ING3: variants seen among roughly 807,000 people sequenced by gnomAD.
ING3 encodes inhibitor of growth protein 3.
A neutral mutation model predicts 64.8 loss-of-function variants in ING3; 6 were observed. The ratio of observed to expected loss-of-function variants is 0.09; its 90% CI spans 0.05 to 0.18. The LOEUF (loss-of-function observed/expected upper bound fraction) is 0.18, where lower values mean the gene tolerates loss of function less well. ING3 is among the 10% of genes least tolerant of loss of function. The probability of loss-of-function intolerance (pLI) is 1.00; values close to 1 mark genes in which losing one functional copy is unlikely to be tolerated. For missense variants in ING3, 310 were observed against 489.7 expected (o/e 0.63, Z 3.46); for synonymous variants, 170 against 173.7 (o/e 0.98, Z 0.17).
At chr7:120,954,724 A>G (rs940046728) in intron 3 of ING3, among the ~76,000 whole-genome samples, 2 of 152,176 alleles carry the variant, frequency 1.3e-5, no homozygotes, top group Non-Finnish European at 2.9e-5. Flanking sequence ...GGAAATTCAT[A>G]GTATCATCTT....
At chr7:120,966,461 A>C (rs1584993071) in intron 5 of ING3, among the ~76,000 whole-genome samples, 165 bp from the exon 6 acceptor site, 1 of 152,224 alleles carries the variant, frequency 6.6e-6, no homozygotes, top group Non-Finnish European at 1.5e-5. Context: ...TGGGATGGAC[A>C]GTGGTGATCC....
chr7:120,971,475 A>G (rs150251292), intron 10 of ING3, among the ~76,000 whole-genome samples: 249 of 152,320 alleles, frequency 1.6e-3, no homozygotes, highest in African/African-American at 5.8e-3. Context: ...TGATTTTGAG[A>G]CATAAGCTTG....
chr7:120,973,187 T>C lies in ING3; in HGVS notation c.1102-18T>C, dbSNP rs777395865. On this transcript the variant is annotated intron_variant, in intron 10 of 11. Coordinates refer to ENST00000315870, the MANE Select transcript of ING3 (RefSeq NM_019071.3). ...TGTTACATAGTCATAATAAAGACAT[T>C]TAATTTTTTTTAACTAGGTATCTTA... 1 of 1,416,418 alleles carries C rather than the reference T, an allele frequency of 7.1e-7. No homozygotes were observed. The highest frequency in any genetic ancestry group is 1.2e-5 in the South Asian group (1 of 86,084). 87.7% of individuals were successfully genotyped at this position (1,416,418 alleles called of 1,614,324 possible). A position where few individuals can be genotyped will look rare whatever the true frequency, so the allele number is the denominator to read the frequency against.
intron 4 of ING3, among the ~76,000 whole-genome samples, chr7:120,960,939 T>C (rs968181891): frequency 6.6e-6 from 1 of 152,244 alleles, no homozygotes; most frequent in African/African-American, 2.4e-5. Context: ...TTTGAGCTTT[T>C]AGTTAATGCT....
chr7:120,959,078 G>A (rs752497915), intron 4 of ING3, among the ~76,000 whole-genome samples: 17 of 152,134 alleles, frequency 1.1e-4, no homozygotes, highest in Non-Finnish European at 2.1e-4. Flanking sequence ...CCATGTGACT[G>A]CCTGCTCTAG....
chr7:120,976,899 T>C lies in ING3; in HGVS notation c.*2055T>C, dbSNP rs150264947. 6.6e-6 allele frequency: 1 copy of C among 152,248 alleles called. No individual in the cohort carries two copies. Among genetic ancestry groups the C allele is most frequent in the African/African-American group, 2.4e-5 (1 of 41,540 alleles). The allele number at this position is 152,248 out of a possible 1,614,324, so 9.4% of individuals were successfully genotyped here. A position where few individuals can be genotyped will look rare whatever the true frequency, so the allele number is the denominator to read the frequency against. On this transcript the variant is annotated 3_prime_UTR_variant, in exon 12 of 12. Coordinates refer to ENST00000315870, the MANE Select transcript of ING3 (RefSeq NM_019071.3). ...TTTGGTGCAGGTATTTAGTAATGGGTAGAACCTGTTAATATCTGAGTCATA... is the reference window on the plus strand; with the variant it reads ...TTTGGTGCAGGTATTTAGTAATGGGCAGAACCTGTTAATATCTGAGTCATA...
intron 4 of ING3, among the ~76,000 whole-genome samples, chr7:120,958,429 A>G (rs1460390635): frequency 6.6e-6 from 1 of 152,190 alleles, no homozygotes; most frequent in Non-Finnish European, 1.5e-5. Flanking sequence ...TGTTGCAATC[A>G]TCTTATACTA....
rs1299439466 is a variant in ING3, at chr7:120,975,661, G to T, written c.*817G>T. 6.6e-6 allele frequency: 1 copy of T among 152,018 alleles called. No individual in the cohort carries two copies. Among genetic ancestry groups the T allele is most frequent in the Non-Finnish European group, 1.5e-5 (1 of 67,980 alleles). 9.4% of individuals were successfully genotyped at this position (152,018 alleles called of 1,614,324 possible). ...AAATAAAGTTTTTAAAAAATTACTT[G>T]TATTTATACTTTACATACTTAATAA... On this transcript the variant is annotated 3_prime_UTR_variant, in exon 12 of 12. Transcript: ENST00000315870.
chr7:120,959,004 C>A (rs759746871), intron 4 of ING3, among the ~76,000 whole-genome samples: 5 of 152,158 alleles, frequency 3.3e-5, no homozygotes, highest in Admixed American at 6.5e-5. Context: ...TTTTAACTGA[C>A]CCTATTGGTA....
At chr7:120,970,302 A>G (rs1383781858) in intron 9 of ING3, among the ~76,000 whole-genome samples, 1 of 151,996 alleles carries the variant, frequency 6.6e-6, no homozygotes, top group Non-Finnish European at 1.5e-5. Context: ...CATCTCTACT[A>G]AAAATACAAA....
intron 1 of ING3, 87 bp downstream of exon 1, chr7:120,951,011 G>GT: frequency 7.4e-7 from 1 of 1,352,084 alleles, no homozygotes; most frequent in Non-Finnish European, 1.1e-6. Flanking sequence ...TGGCGGGAGG[G>GT]AGGGGGCGGC....
Position 120,955,375 on chromosome 7 carries a change from C to T in ING3, c.202-184C>T, listed in dbSNP as rs183305571. 4.6e-5 allele frequency among the ~76,000 whole-genome samples: 7 copies of T among 152,318 alleles called. No individual in the cohort carries two copies. The East Asian group carries it at 1.4e-3, about 29-fold the overall frequency. On this transcript the variant is annotated intron_variant, in intron 3 of 11. Transcript: ENST00000315870. ...AACTCCTGACCTCAAGTCATCCGTC[C>T]TCCTTGGCCTCCAAAAGGGATTACA...
At chr7:120,952,760 CT>C (rs778550827) in intron 2 of ING3, among the ~76,000 whole-genome samples, 343 of 143,802 alleles carry the variant, frequency 2.4e-3, no homozygotes, top group African/African-American at 4.8e-3. Context: ...TTAATTTTTC[CT>C]TTTTTTTTTT....
chr7:120,965,368 A>G (rs1167346853), intron 5 of ING3, among the ~76,000 whole-genome samples: 1 of 152,122 alleles, frequency 6.6e-6, no homozygotes, highest in African/African-American at 2.4e-5. Context: ...GCAAGGCTCT[A>G]TTTGATCTCC....
intron 1 of ING3, 100 bp downstream of exon 1, chr7:120,951,024 G>C: frequency 2.0e-6 from 3 of 1,501,728 alleles, no homozygotes; most frequent in Non-Finnish European, 2.8e-6. Flanking sequence ...GGGGCGGCGG[G>C]GGATGTTTCT....
intron 2 of ING3, among the ~76,000 whole-genome samples, chr7:120,952,021 C>G (rs933596181): frequency 9.9e-5 from 15 of 152,156 alleles, no homozygotes; most frequent in Non-Finnish European, 5.9e-5. Context: ...ACACCCACTT[C>G]TATACCCTTT....
chr7:120,955,665 A>C (rs1795835443), intron 4 of ING3, 41 bp downstream of exon 4: 1 of 1,272,352 alleles, frequency 7.9e-7, no homozygotes, highest in South Asian at 1.2e-5. Flanking sequence ...TAAGTACTTG[A>C]ATAACAGATT....
chr7:120,951,788 T>C (rs1795770124), intron 2 of ING3, among the ~76,000 whole-genome samples: 1 of 152,218 alleles, frequency 6.6e-6, no homozygotes, highest in African/African-American at 2.4e-5. Flanking sequence ...TGACAGAAAT[T>C]AGATTTCACT....
At position 120,950,821 on chromosome 7, in the gene ING3, G is replaced by A; in HGVS notation, c.-76G>A. On this transcript the variant is annotated 5_prime_UTR_variant, in exon 1 of 12. Coordinates refer to ENST00000315870, the MANE Select transcript of ING3 (RefSeq NM_019071.3). Reference sequence around the variant, plus strand: ...GCTAGCGGAGGCGCCATATTGGAGGGGACAAAACTCCGGCGACAGCGAGTG... The same window carrying A: ...GCTAGCGGAGGCGCCATATTGGAGGAGACAAAACTCCGGCGACAGCGAGTG... The A allele has an allele frequency of 1.3e-6, 2 of 1,520,478 alleles. No homozygotes were observed. The highest frequency in any genetic ancestry group is 1.8e-6 in the Non-Finnish European group (2 of 1,100,958). The allele number at this position is 1,520,478 out of a possible 1,614,324, so 94.2% of individuals were successfully genotyped here.
Sources: gnomAD v4.1 joint callset for allele counts (sites outside exome capture counted in the v4.1 genomes callset) on GRCh38, gnomAD v4.1.1 for gene constraint, MANE v1.5 for transcripts, NCBI Gene and HGNC (gene_info 2026-07-23, HGNC 2026-07-21) for gene names.